ADGRF3: variants seen among roughly 807,000 people sequenced by gnomAD.
ADGRF3 encodes G protein-coupled receptor 113.
In ADGRF3, 85 loss-of-function variants were observed where a neutral mutation model predicts 93.2. That is an observed-to-expected ratio of 0.91 (90% CI 0.77 to 1.09). The LOEUF (loss-of-function observed/expected upper bound fraction) is 1.09, where lower values mean the gene tolerates loss of function less well. Ranked by LOEUF, ADGRF3 falls within the 50% of genes least tolerant of loss-of-function variation. The pLI is 0.00. For missense variants in ADGRF3, 1,125 were observed against 1,246.2 expected (o/e 0.90, Z 1.46); for synonymous variants, 534 against 532.5 (o/e 1.00, Z -0.04).
chr2:26,337,931 G>A (rs946314801), intron 1 of ADGRF3, among the ~76,000 whole-genome samples: 2 of 152,138 alleles, frequency 1.3e-5, no homozygotes, highest in Non-Finnish European at 2.9e-5. Flanking sequence ...GCTGAGACAT[G>A]AGAATCACTT....
At chr2:26,331,229 G>T (rs889265442) in intron 1 of ADGRF3, among the ~76,000 whole-genome samples, 1 of 151,998 alleles carries the variant, frequency 6.6e-6, no homozygotes, top group Non-Finnish European at 1.5e-5. Flanking sequence ...CCAGCTTATG[G>T]ACAGCTTTTG....
chr2:26,317,374 T>A, intron 2 of ADGRF3, 122 bp downstream of exon 2: 2 of 922,676 alleles, frequency 2.2e-6, no homozygotes, highest in Non-Finnish European at 3.4e-6. Context: ...TCAGAGCCAG[T>A]CCTCTCTCTC....
At chr2:26,315,401 G>A in intron 5 of ADGRF3, 121 bp downstream of exon 5, 1 of 1,071,584 alleles carries the variant, frequency 9.3e-7, no homozygotes, top group Non-Finnish European at 1.3e-6. Context: ...GGAAAGAAAA[G>A]AAGGAAGGAG....
intron 1 of ADGRF3, chr2:26,317,945 G>T: frequency 8.3e-7 from 1 of 1,212,046 alleles, no homozygotes; most frequent in Non-Finnish European, 1.2e-6. Flanking sequence ...TGTAGGATTT[G>T]ACAGCAGGGT....
At chr2:26,327,321 T>C (rs887389222) in intron 1 of ADGRF3, among the ~76,000 whole-genome samples, 4 of 152,100 alleles carry the variant, frequency 2.6e-5, no homozygotes, top group African/African-American at 9.7e-5. Context: ...ATGAGGTGAG[T>C]TCCTCTTCAA....
chr2:26,312,014 C>T lies in ADGRF3; in HGVS notation c.1510G>A (p.Ala504Thr), dbSNP rs574790910. 17 of 1,613,092 alleles carry T rather than the reference C, an allele frequency of 1.1e-5. 1 individual carries two copies. The South Asian group carries it at 1.9e-4, about 18-fold the overall frequency. Residue 504 changes from alanine (A) to threonine (T), a missense_variant, in exon 10 of 14, where the codon GCC becomes ACC. Transcript: ENST00000651242. The part of the protein sequence containing the change: ...DMDTRSLWTL[A>T]QARKPWAGST... ...CCTGCCCAGGGCTTCCGGGCTTGGGCCAGGGTCCACAGAGACCTGGTGTCC... is the reference window on the plus strand; with the variant it reads ...CCTGCCCAGGGCTTCCGGGCTTGGGTCAGGGTCCACAGAGACCTGGTGTCC...
At chr2:26,309,475 C>A in intron 13 of ADGRF3, 51 bp downstream of exon 13, 1 of 1,590,650 alleles carries the variant, frequency 6.3e-7, no homozygotes, top group Non-Finnish European at 8.6e-7. Flanking sequence ...TTTGCCACAC[C>A]GTCCTCAATC....
chr2:26,344,653 G>A (rs975678358), intron 1 of ADGRF3, among the ~76,000 whole-genome samples: 10 of 152,160 alleles, frequency 6.6e-5, no homozygotes, highest in African/African-American at 2.4e-4. Context: ...ATTGGTTGGC[G>A]GGCGCCCATT....
At chr2:26,324,547 C>T (rs1675339305) in intron 1 of ADGRF3, among the ~76,000 whole-genome samples, 1 of 152,096 alleles carries the variant, frequency 6.6e-6, no homozygotes, top group South Asian at 2.1e-4. Context: ...TCATTTAGCT[C>T]CCACTTATAA....
intron 4 of ADGRF3, 24 bp downstream of exon 4, chr2:26,316,251 T>C: frequency 1.3e-6 from 2 of 1,546,986 alleles, no homozygotes; most frequent in Non-Finnish European, 1.7e-6. Context: ...GGCCATTGGT[T>C]TCCAAGTTCC....
At chr2:26,309,282 G>C (rs1338806931) in intron 13 of ADGRF3, 175 bp from the exon 14 acceptor site, 3 of 1,548,796 alleles carry the variant, frequency 1.9e-6, no homozygotes, top group Non-Finnish European at 1.7e-6. Flanking sequence ...AAGGACTGGT[G>C]GTGGTGAAAC....
chr2:26,316,596 T>G, intron 3 of ADGRF3, 148 bp from the exon 4 acceptor site: 1 of 808,126 alleles, frequency 1.2e-6, no homozygotes, highest in South Asian at 1.8e-5. Context: ...GGCCCATGCA[T>G]CAGGACTGCC....
At chr2:26,333,054 C>T (rs1478264470) in intron 1 of ADGRF3, among the ~76,000 whole-genome samples, 1 of 152,156 alleles carries the variant, frequency 6.6e-6, no homozygotes, top group African/African-American at 2.4e-5. Context: ...CATCAACACT[C>T]CCTCCTCTCC....
In ADGRF3 at chr2:26,310,938, C is replaced by T. The variant is rs1405030424; in HGVS notation, c.2586G>A (p.Val862=). 3.1e-6 allele frequency: 5 copies of T among 1,613,454 alleles called. No homozygotes were observed. The change falls in exon 10 of 14, where the codon GTG becomes GTA. Residue 862 remains valine, a synonymous_variant. Transcript: ENST00000651242. ...CGCCTATGATGGCCAGCACTGGCCC[C>T]ACGAAGGTGTATAACGCCCCTCCCT... ...DGKGGALYTF[V]GPVLAIIGVN...
intron 9 of ADGRF3, 47 bp downstream of exon 9, chr2:26,312,896 A>T: frequency 6.5e-7 from 1 of 1,530,524 alleles, no homozygotes; most frequent in Non-Finnish European, 8.8e-7. Context: ...GGGAGTCTTC[A>T]GCCCCCGACT....
chr2:26,316,786 A>G (rs1674728614), intron 3 of ADGRF3, 126 bp downstream of exon 3: 2 of 1,069,204 alleles, frequency 1.9e-6, no homozygotes, highest in Admixed American at 2.9e-5. Context: ...GGCCACGGAG[A>G]CAGAACCAGG....
Position 26,311,898 on chromosome 2 carries a change from C to T in ADGRF3, c.1626G>A (p.Leu542=), listed in dbSNP as rs1574697617. 2 of 1,613,926 alleles carry T rather than the reference C, an allele frequency of 1.2e-6. No individual in the cohort carries two copies. The highest frequency in any genetic ancestry group is 1.1e-5 in the South Asian group (1 of 91,076). Residue 542 remains leucine (L), a synonymous_variant, in exon 10 of 14, where the codon CTG becomes CTA. Transcript: ENST00000651242. ...ACGTGGGTCCAAACAGCTGGCTCTG[C>T]AGCAGCACATTGGGTAAGCTGAAGG... is the stretch of plus-strand genomic sequence containing the variant. ...PFAFSLPNVL[L]QSQLFGPTFP...
At chr2:26,339,521 CA>C (rs1676252359) in intron 1 of ADGRF3, among the ~76,000 whole-genome samples, 2 of 152,044 alleles carry the variant, frequency 1.3e-5, no homozygotes, top group African/African-American at 4.8e-5. Flanking sequence ...CAAAACAAAA[CA>C]AAACAACACA....
Position 26,309,076 on chromosome 2 carries a change from CGT to C in ADGRF3, c.*8_*9del, listed in dbSNP as rs1471472470. On this transcript the variant is annotated 3_prime_UTR_variant, in exon 14 of 14. Coordinates refer to ENST00000651242, the MANE Select transcript of ADGRF3 (RefSeq NM_001321971.2). Reference sequence around the variant, plus strand: ...CAACTCCCTTGCAGGAACATGGGTCCGTGTGTGGTTCACTCTGAAGCATCTGT... The same window carrying C: ...CAACTCCCTTGCAGGAACATGGGTCCGTGTGGTTCACTCTGAAGCATCTGT... 2.5e-6 allele frequency: 4 copies of C among 1,613,824 alleles called. No homozygotes were observed. The highest frequency in any genetic ancestry group is 3.4e-6 in the Non-Finnish European group (4 of 1,179,900).
Sources: allele counts gnomAD v4.1 joint callset (sites outside exome capture counted in the v4.1 genomes callset), GRCh38; gene constraint gnomAD v4.1.1; transcripts MANE v1.5; gene names NCBI Gene and HGNC (gene_info 2026-07-23, HGNC 2026-07-21).